The following NABP1 variants were observed in gnomAD, a reference collection of about 807,000 sequenced individuals.
NABP1 encodes the protein SOSS complex subunit B2.
A neutral mutation model predicts 25.0 loss-of-function variants in NABP1; 18 were observed. That is an observed-to-expected ratio of 0.72 (90% confidence interval 0.50 to 1.07). The LOEUF (loss-of-function observed/expected upper bound fraction) is 1.07. Ranked by LOEUF, NABP1 falls within the 50% of genes least tolerant of loss-of-function variation. NABP1 has a pLI of 0.00. For synonymous variants in NABP1, 71 were observed against 85.0 expected (o/e 0.84, Z 0.91); for missense variants, 270 against 255.6 (o/e 1.06, Z -0.39).
At chr2:191,684,109 GTTAA>G (rs1370893129) in intron 4 of NABP1, 117 bp from the exon 5 acceptor site, 5 of 537,992 alleles carry the variant, frequency 9.3e-6, no homozygotes, top group Non-Finnish European at 1.5e-5. Flanking sequence ...TAAAAAATTT[GTTAA>G]TTAAAAAAAA....
Position 191,678,605 on chromosome 2 carries a change from C to A in NABP1, c.-10C>A, listed in dbSNP as rs778513103. 8.7e-6 allele frequency: 14 copies of A among 1,604,604 alleles called. No homozygotes were observed. In the South Asian group the frequency reaches 1.5e-4, roughly 18 times the overall value. ...CGCGTCTCCGCAGCCGTAGCCGCGC[C>A]TGTCCCAATATGAATAGGGTCAACG... On this transcript the variant is annotated 5_prime_UTR_variant, in exon 1 of 6. In the 5' UTR this introduces an upstream ATG that the reference lacks. Transcript: ENST00000425611.
intron 5 of NABP1, among the ~76,000 whole-genome samples, chr2:191,685,341 G>A (rs1409923175): frequency 6.6e-6 from 1 of 152,068 alleles, no homozygotes; most frequent in Admixed American, 6.6e-5. Context: ...TGTAGGCAAT[G>A]CATTTTTTTA....
rs957842676 is a variant in NABP1 at position 191,683,592 on chromosome 2, T to C, written c.303-137T>C. The C allele has an allele frequency of 2.7e-5, 17 of 635,132 alleles. No homozygotes were observed. Among genetic ancestry groups the C allele is most frequent in the Non-Finnish European group, 4.4e-5 (16 of 366,760 alleles). The allele number at this position is 635,132 out of a possible 1,614,324, so 39.3% of individuals were successfully genotyped here. A position where few individuals can be genotyped will look rare whatever the true frequency, so the allele number is the denominator to read the frequency against. On this transcript the variant is annotated intron_variant, in intron 3 of 5. Transcript: ENST00000425611. The surrounding 1 kb of genome is among the most constrained non-coding windows in gnomAD (Gnocchi z 4.1). ...ACATAATCATTTGGGAAGTTTTTGT[T>C]GTAAATGAAGAGTTAGTTTGTTGCT...
Position 191,684,303 on chromosome 2 carries a change from T to C in NABP1, c.445+7T>C, listed in dbSNP as rs1687761900. ...GGTACATTTGGACCAGTGGGTAAGA[T>C]TTTGTTTGTGTGTTTCATTTGTGAT... On this transcript the variant is annotated splice_region_variant and intron_variant, in intron 5 of 5. Coordinates refer to ENST00000425611, the MANE Select transcript of NABP1 (RefSeq NM_001031716.5). 6.6e-7 allele frequency: 1 copy of C among 1,513,528 alleles called. No homozygotes were observed. Among genetic ancestry groups the C allele is most frequent in the Non-Finnish European group, 8.8e-7 (1 of 1,138,336 alleles). The allele number at this position is 1,513,528 out of a possible 1,614,324, so 93.8% of individuals were successfully genotyped here.
intron 2 of NABP1, among the ~76,000 whole-genome samples, chr2:191,680,511 T>C (rs947016114): frequency 2.6e-5 from 4 of 152,330 alleles, no homozygotes; most frequent in East Asian, 3.9e-4. Flanking sequence ...TAGGGAAGTA[T>C]GGTGAGGATT....
At position 191,683,528 on chromosome 2, in the gene NABP1, T is replaced by C. The variant is rs1687739087; in HGVS notation, c.303-201T>C. 1 of 503,620 alleles carries C rather than the reference T, an allele frequency of 2.0e-6. No individual in the cohort carries two copies. The allele number at this position is 503,620 out of a possible 1,614,324, so 31.2% of individuals were successfully genotyped here. The stretch of plus-strand genomic sequence containing the variant: ...AATTTAAATACAAAATAGAATGTTA[T>C]ATATCTTGTAGACAGTCAAATATTT... On this transcript the variant is annotated intron_variant, in intron 3 of 5. Coordinates refer to ENST00000425611, the MANE Select transcript of NABP1 (RefSeq NM_001031716.5). This position sits in a 1 kb window ranked among gnomAD's most constrained non-coding sequence, Gnocchi z 4.1.
Position 191,681,958 on chromosome 2 carries a change from G to A in NABP1, c.243G>A (p.Met81Ile), listed in dbSNP as rs747143507. Residue 81 changes from methionine to isoleucine, a missense_variant, in exon 3 of 6, where the codon ATG (methionine) becomes ATA (isoleucine). Transcript: ENST00000425611. The part of the protein sequence containing the change: ...IIRLTRGYAS[M>I]WKGCLTLYTG... ...CTTTTCTCTCTAGGTATGCATCCAT[G>A]TGGAAAGGATGTCTGACACTTTATA... The A allele has an allele frequency of 6.6e-7, 1 of 1,519,922 alleles. No individual in the cohort carries two copies. Among genetic ancestry groups the A allele is most frequent in the Non-Finnish European group, 8.8e-7 (1 of 1,138,812 alleles). The allele number at this position is 1,519,922 out of a possible 1,614,324, so 94.2% of individuals were successfully genotyped here.
In NABP1 at chr2:191,684,256, C is replaced by A; in HGVS notation, c.405C>A (p.Ser135=). 1.3e-6 allele frequency: 2 copies of A among 1,539,082 alleles called. No homozygotes were observed. The highest frequency in any genetic ancestry group is 2.5e-5 in the South Asian group (2 of 80,508). The change falls in exon 5 of 6, where the codon TCC becomes TCA. Residue 135 remains serine (S), a synonymous_variant. Coordinates refer to ENST00000425611, the MANE Select transcript of NABP1 (RefSeq NM_001031716.5). ...KGAQSEQKNN[S]MNSNMGTGTF... ...CACAGAGTGAACAGAAGAATAATTC[C>A]ATGAATAGTAATATGGGTACAGGTA...
chr2:191,683,699 T>G lies in NABP1; in HGVS notation c.303-30T>G. The G allele has an allele frequency of 6.6e-7, 1 of 1,524,584 alleles. No individual in the cohort carries two copies. Among genetic ancestry groups the G allele is most frequent in the Non-Finnish European group, 9.1e-7 (1 of 1,102,238 alleles). 94.4% of individuals were successfully genotyped at this position (1,524,584 alleles called of 1,614,324 possible). A position where few individuals can be genotyped will look rare whatever the true frequency, so the allele number is the denominator to read the frequency against. ...AGGGTTGAGGACTTTATTTCAGAAG[T>G]CATTTAATTTTTTCTTTATTTTCTT... is the stretch of plus-strand genomic sequence containing the variant. On this transcript the variant is annotated intron_variant, in intron 3 of 5. Coordinates refer to ENST00000425611, the MANE Select transcript of NABP1 (RefSeq NM_001031716.5). This position sits in a 1 kb window ranked among gnomAD's most constrained non-coding sequence, Gnocchi z 4.1.
Position 191,684,241 on chromosome 2 carries a change from A to C in NABP1, c.390A>C (p.Glu130Asp), listed in dbSNP as rs1371918652. 6.5e-7 allele frequency: 1 copy of C among 1,544,974 alleles called. No homozygotes were observed. The highest frequency in any genetic ancestry group is 8.7e-7 in the Non-Finnish European group (1 of 1,155,032). The change falls in exon 5 of 6, where the codon GAA becomes GAC. Residue 130 changes from glutamate to aspartate, a missense_variant. Glu to Asp is a conservative substitution (Grantham distance 45). Coordinates refer to ENST00000425611, the MANE Select transcript of NABP1 (RefSeq NM_001031716.5). ...AAACTTTTTTTTAGGCACAGAGTGAACAGAAGAATAATTCCATGAATAGTA... is the reference window on the plus strand; with the variant it reads ...AAACTTTTTTTTAGGCACAGAGTGACCAGAAGAATAATTCCATGAATAGTA... The part of the protein sequence containing the change: ...RGQQNKGAQS[E>D]QKNNSMNSNM...
chr2:191,682,178 A>C, intron 3 of NABP1, 161 bp downstream of exon 3: 1 of 474,040 alleles, frequency 2.1e-6, no homozygotes. Flanking sequence ...TACAAATTTA[A>C]CACTTGTCAG....
chr2:191,679,106 G>A lies in NABP1; in HGVS notation c.208G>A (p.Asp70Asn), dbSNP rs779829381. 1.2e-6 allele frequency: 2 copies of A among 1,614,058 alleles called. No homozygotes were observed. The highest frequency in any genetic ancestry group is 1.7e-5 in the Admixed American group (1 of 60,000). ...GATCGGAGGTCTTATACAGCCAGGG[G>A]ATATTATTCGGTTGACCAGAGGGTA... ...DEIGGLIQPGDIIRLTRGYAS... is the reference protein window; with the variant it reads ...DEIGGLIQPGNIIRLTRGYAS... The change falls in exon 2 of 6, where the codon GAT (aspartate) becomes AAT (asparagine). Residue 70 changes from aspartate (D) to asparagine (N), a missense_variant. By Grantham distance (23) the Asp-to-Asn change is conservative. Coordinates refer to ENST00000425611, the MANE Select transcript of NABP1 (RefSeq NM_001031716.5).
chr2:191,678,987 C>T lies in NABP1; in HGVS notation c.92-3C>T, dbSNP rs1260177606. On this transcript the variant is annotated splice_polypyrimidine_tract_variant and splice_region_variant and intron_variant, in intron 1 of 5. Transcript: ENST00000425611. Reference sequence around the variant, plus strand: ...CCTCCCTTTGATTTTTAAATCCTCACAGGACGCGTGACCAAAACCAAAGAC... The same window carrying T: ...CCTCCCTTTGATTTTTAAATCCTCATAGGACGCGTGACCAAAACCAAAGAC... 1 of 1,614,104 alleles carries T rather than the reference C, an allele frequency of 6.2e-7. No individual in the cohort carries two copies. Among genetic ancestry groups the T allele is most frequent in the Non-Finnish European group, 8.5e-7 (1 of 1,180,048 alleles).
intron 2 of NABP1, among the ~76,000 whole-genome samples, chr2:191,679,937 C>T (rs977357012): frequency 1.3e-5 from 2 of 152,098 alleles, no homozygotes; most frequent in Non-Finnish European, 2.9e-5. Context: ...AAGAGGGAAA[C>T]TTTACAGTAT....
Position 191,685,662 on chromosome 2 carries a change from A to G in NABP1, c.509A>G (p.Asn170Ser), listed in dbSNP as rs185388165. The G allele has an allele frequency of 2.5e-4, 407 of 1,614,084 alleles. 3 individuals carry two copies. Among genetic ancestry groups the G allele is most frequent in the East Asian group, 2.2e-3 (97 of 44,874 alleles). ...EHQFSHAGRS[N>S]GRGLINPQLQ... ...CAGTTTTCACATGCTGGCAGAAGCAATGGCCGGGGACTTATAAATCCACAA... is the reference window on the plus strand; with the variant it reads ...CAGTTTTCACATGCTGGCAGAAGCAGTGGCCGGGGACTTATAAATCCACAA... Residue 170 changes from asparagine (N) to serine (S), a missense_variant, in exon 6 of 6, where the codon AAT (asparagine) becomes AGT (serine). Transcript: ENST00000425611.
At position 191,678,629 on chromosome 2, in the gene NABP1, C is replaced by T. The variant is rs897531132; in HGVS notation, c.15C>T (p.Asn5=). The T allele has an allele frequency of 1.9e-6, 3 of 1,612,524 alleles. No homozygotes were observed. Among genetic ancestry groups the T allele is most frequent in the East Asian group, 2.2e-5 (1 of 44,858 alleles). MNRV[N]DPLIFIRDIK... ...CCTGTCCCAATATGAATAGGGTCAA[C>T]GACCCACTTATTTTTATAAGAGATA... The change falls in exon 1 of 6, where the codon AAC becomes AAT. Residue 5 remains asparagine (N), a synonymous_variant. Coordinates refer to ENST00000425611, the MANE Select transcript of NABP1 (RefSeq NM_001031716.5).
Position 191,678,994 on chromosome 2 carries a change from C to T in NABP1, c.96C>T (p.Arg32=), listed in dbSNP as rs145209016. Residue 32 remains arginine, a synonymous_variant, in exon 2 of 6, where the codon CGC becomes CGT. Transcript: ENST00000425611. ...NVVFIVLEIG[R]VTKTKDGHEV... The stretch of plus-strand genomic sequence containing the variant: ...TTGATTTTTAAATCCTCACAGGACG[C>T]GTGACCAAAACCAAAGACGGCCATG... 6.6e-5 allele frequency: 107 copies of T among 1,614,186 alleles called. No individual in the cohort carries two copies. The Middle Eastern group carries it at 3.0e-3, about 45-fold the overall frequency.
intron 5 of NABP1, 101 bp downstream of exon 5, chr2:191,684,397 AT>A (rs1325191008): frequency 4.1e-6 from 3 of 738,924 alleles, no homozygotes; most frequent in Non-Finnish European, 6.2e-6. Context: ...TAAATTAGTG[AT>A]AAAGGTGAAC....
rs1208071266 is a variant in NABP1, at chr2:191,679,058, A to G, written c.160A>G (p.Ile54Val). Residue 54 changes from isoleucine (I) to valine (V), a missense_variant, in exon 2 of 6, where the codon ATC becomes GTC. Transcript: ENST00000425611. Reference protein sequence around the residue: ...SCKVADKTGSITISVWDEIGG... With the variant: ...SCKVADKTGSVTISVWDEIGG... Reference sequence around the variant, plus strand: ...CAAAGTAGCAGATAAAACGGGCAGCATCACTATTTCCGTGTGGGATGAGAT... The same window carrying G: ...CAAAGTAGCAGATAAAACGGGCAGCGTCACTATTTCCGTGTGGGATGAGAT... 1.2e-6 allele frequency: 2 copies of G among 1,614,222 alleles called. No homozygotes were observed. Among genetic ancestry groups the G allele is most frequent in the Non-Finnish European group, 1.7e-6 (2 of 1,180,040 alleles).
Sources: gnomAD v4.1 joint callset for allele counts (sites outside exome capture counted in the v4.1 genomes callset) on GRCh38, gnomAD v4.1.1 for gene constraint, Gnocchi (gnomAD v3.1) non-coding constraint, MANE v1.5 for transcripts, NCBI Gene and HGNC (gene_info 2026-07-23, HGNC 2026-07-21) for gene names.